SGCZ: variants seen among roughly 807,000 people sequenced by gnomAD.
The protein encoded by SGCZ is zeta-sarcoglycan.
In SGCZ, 40 loss-of-function variants were observed where a neutral mutation model predicts 41.3. The ratio of observed to expected loss-of-function variants is 0.97; its 90% confidence interval spans 0.75 to 1.26. SGCZ has a LOEUF of 1.26. SGCZ is among the 50% of genes most tolerant of loss of function. The pLI is 0.00. For synonymous variants in SGCZ, 206 were observed against 137.5 expected (o/e 1.50, Z -3.49); for missense variants, 552 against 369.8 (o/e 1.49, Z -4.04).
chr8:14,583,830 T>C (rs1804973489), intron 1 of SGCZ, among the ~76,000 whole-genome samples: 1 of 151,808 alleles, frequency 6.6e-6, no homozygotes, highest in South Asian at 2.1e-4. Context: ...GCAAAACATA[T>C]ATATATATAT....
chr8:14,251,153 G>A (rs947202509), intron 3 of SGCZ, among the ~76,000 whole-genome samples: 4 of 152,204 alleles, frequency 2.6e-5, no homozygotes, highest in Non-Finnish European at 4.4e-5. Flanking sequence ...GCTTGAACTC[G>A]GGAGGCAGAG....
intron 1 of SGCZ, among the ~76,000 whole-genome samples, chr8:15,173,628 A>G (rs1207558924): frequency 6.6e-6 from 1 of 152,214 alleles, no homozygotes; most frequent in Non-Finnish European, 1.5e-5. Context: ...ATTCTTGAAG[A>G]TTCATTTTAA....
chr8:14,397,111 T>C (rs1175039288), intron 2 of SGCZ, among the ~76,000 whole-genome samples: 1 of 152,156 alleles, frequency 6.6e-6, no homozygotes, highest in Non-Finnish European at 1.5e-5. Context: ...TACTTACCAC[T>C]ATTCTTTGTG....
At chr8:14,546,123 C>T (rs1445803722) in intron 2 of SGCZ, among the ~76,000 whole-genome samples, 4 of 152,146 alleles carry the variant, frequency 2.6e-5, no homozygotes, top group Admixed American at 6.5e-5. Context: ...AGTCTTGCAA[C>T]ATTAACGATA....
chr8:14,850,779 G>A (rs939730821), intron 1 of SGCZ, among the ~76,000 whole-genome samples: 2 of 152,130 alleles, frequency 1.3e-5, no homozygotes, highest in African/African-American at 4.8e-5. Flanking sequence ...TCTCATGATA[G>A]TGAGTGAGTT....
intron 2 of SGCZ, among the ~76,000 whole-genome samples, chr8:14,345,869 G>A (rs1003730415): frequency 1.1e-4 from 17 of 151,988 alleles, no homozygotes; most frequent in Non-Finnish European, 1.0e-4. Flanking sequence ...TGACATTCTG[G>A]AAAAGACAAA....
At chr8:15,187,969 C>T (rs928508817) in intron 1 of SGCZ, among the ~76,000 whole-genome samples, 2 of 151,660 alleles carry the variant, frequency 1.3e-5, no homozygotes, top group African/African-American at 4.8e-5. Flanking sequence ...GTATGATATC[C>T]GTATTTGTGT....
At chr8:15,001,611 T>G (rs1194971388) in intron 1 of SGCZ, among the ~76,000 whole-genome samples, 1 of 151,374 alleles carries the variant, frequency 6.6e-6, no homozygotes, top group African/African-American at 2.4e-5. Flanking sequence ...CACCTGTAAT[T>G]CCAGCTACTC....
chr8:14,988,983 A>C (rs2130890856), intron 1 of SGCZ, among the ~76,000 whole-genome samples: 1 of 152,272 alleles, frequency 6.6e-6, no homozygotes, highest in Admixed American at 6.5e-5. Context: ...ACAATTTTGT[A>C]TTTAATAGGC....
intron 7 of SGCZ, among the ~76,000 whole-genome samples, chr8:14,091,613 T>C (rs1214560539): frequency 1.3e-5 from 2 of 152,194 alleles, no homozygotes; most frequent in Non-Finnish European, 2.9e-5. Context: ...GTTGGCTGCA[T>C]AAATATCTTC....
At chr8:14,328,377 C>T (rs1802196866) in intron 2 of SGCZ, among the ~76,000 whole-genome samples, 1 of 151,942 alleles carries the variant, frequency 6.6e-6, no homozygotes, top group Non-Finnish European at 1.5e-5. Flanking sequence ...ATGTACTACA[C>T]CTAGACCTTG....
At chr8:15,062,429 A>C (rs1804970592) in intron 1 of SGCZ, among the ~76,000 whole-genome samples, 1 of 152,152 alleles carries the variant, frequency 6.6e-6, no homozygotes, top group Non-Finnish European at 1.5e-5. Flanking sequence ...ACATTTCTAG[A>C]AAAAGAGGCC....
chr8:14,555,399 T>G (rs1295189107), intron 1 of SGCZ, among the ~76,000 whole-genome samples: 1 of 151,750 alleles, frequency 6.6e-6, no homozygotes, highest in African/African-American at 2.4e-5. Context: ...GGTAATAGAG[T>G]TCTCATGGGA....
chr8:14,735,621 C>G (rs1188845983), intron 1 of SGCZ, among the ~76,000 whole-genome samples: 2 of 152,276 alleles, frequency 1.3e-5, no homozygotes, highest in South Asian at 2.1e-4. Flanking sequence ...GGCCTCCTAC[C>G]TCCTCAGCTT....
At chr8:14,155,380 G>C (rs1477929951) in intron 5 of SGCZ, among the ~76,000 whole-genome samples, 1 of 152,008 alleles carries the variant, frequency 6.6e-6, no homozygotes, top group Non-Finnish European at 1.5e-5. Context: ...ACTTTCACTA[G>C]TTGACTAAGA....
At chr8:14,343,050 G>A (rs1802765985) in intron 2 of SGCZ, among the ~76,000 whole-genome samples, 1 of 152,190 alleles carries the variant, frequency 6.6e-6, no homozygotes, top group African/African-American at 2.4e-5. Context: ...GAGGGTGGAA[G>A]CCCCAAGCCT....
chr8:14,252,218 A>G (rs1400983439), intron 3 of SGCZ, among the ~76,000 whole-genome samples: 1 of 151,954 alleles, frequency 6.6e-6, no homozygotes, highest in East Asian at 1.9e-4. Flanking sequence ...TTATGGCTTC[A>G]TATCTTGTGC....
At chr8:14,614,051 C>G (rs1385315839) in intron 1 of SGCZ, among the ~76,000 whole-genome samples, 1 of 152,072 alleles carries the variant, frequency 6.6e-6, no homozygotes, top group Non-Finnish European at 1.5e-5. Flanking sequence ...GCCGCTCACA[C>G]TCATTTGAAA....
intron 1 of SGCZ, among the ~76,000 whole-genome samples, chr8:14,631,731 C>T (rs1334474658): frequency 6.6e-6 from 1 of 152,012 alleles, no homozygotes; most frequent in Non-Finnish European, 1.5e-5. Flanking sequence ...TTAGTATTAT[C>T]TCATATAAAC....
Sources: allele counts gnomAD v4.1 joint callset (sites outside exome capture counted in the v4.1 genomes callset), GRCh38; gene constraint gnomAD v4.1.1; transcripts MANE v1.5; gene names NCBI Gene and HGNC (gene_info 2026-07-23, HGNC 2026-07-21).